Variants in CRACD observed in about 807,000 individuals in gnomAD.
CRACD encodes the protein capping protein inhibiting regulator of actin dynamics.
Under a neutral mutation model 106.8 loss-of-function variants are expected in CRACD, and 56 were observed. That is an observed-to-expected ratio of 0.52 (90% CI 0.42 to 0.66). CRACD has a LOEUF of 0.66. Among genes scored for constraint, CRACD ranks in the 30% least tolerant of loss-of-function variants. The pLI is 0.00. For missense variants in CRACD, 1,730 were observed against 1,623.2 expected, an observed-to-expected ratio of 1.07 and a Z score of -1.13; for synonymous variants, 754 against 670.8, an observed-to-expected ratio of 1.12 and a Z score of -1.92.
At chr4:56,243,443 C>T (rs1319749490) in intron 2 of CRACD, among the ~76,000 whole-genome samples, 2 of 152,152 alleles carry the variant, frequency 1.3e-5, no homozygotes. Flanking sequence ...GAAATGAACT[C>T]CTAACTTGTT....
chr4:56,214,177 C>T (rs1738540376), intron 2 of CRACD, among the ~76,000 whole-genome samples: 1 of 152,056 alleles, frequency 6.6e-6, no homozygotes, highest in Admixed American at 6.5e-5. Context: ...CTGGTGAGGG[C>T]CTGCTTCCTT....
Position 56,054,456 on chromosome 4 carries a change from C to T in CRACD, c.-336+5157C>T, listed in dbSNP as rs191230659. On this transcript the variant is annotated intron_variant, in intron 1 of 10. Transcript: ENST00000682029. ...TCAGCCTCCCAAAGTGCTGGGATTA[C>T]AAGCGTGAGCCGCCACTCAGTGGCT... Among the ~76,000 whole-genome samples the T allele has an allele frequency of 4.3e-3, 658 of 152,304 alleles. 5 individuals are homozygous for T. Among genetic ancestry groups the T allele is most frequent in the African/African-American group, 0.014 (597 of 41,572 alleles).
chr4:56,282,461 G>A (rs962531372), intron 3 of CRACD, among the ~76,000 whole-genome samples: 5 of 152,216 alleles, frequency 3.3e-5, no homozygotes, highest in Non-Finnish European at 2.9e-5. Context: ...GCTTAGAAGA[G>A]TGGCTAGAAA....
intron 2 of CRACD, among the ~76,000 whole-genome samples, chr4:56,179,913 A>G (rs1015239689): frequency 6.6e-6 from 1 of 152,086 alleles, no homozygotes; most frequent in Non-Finnish European, 1.5e-5. Context: ...GCTACTCAGG[A>G]GGCTGAGGCA....
intron 2 of CRACD, among the ~76,000 whole-genome samples, chr4:56,213,984 A>C (rs1348843184): frequency 6.6e-6 from 1 of 152,226 alleles, no homozygotes; most frequent in African/African-American, 2.4e-5. Context: ...TTCAGGGTAG[A>C]AAGGGTGAGA....
chr4:56,124,011 C>T (rs1395036226), intron 1 of CRACD, among the ~76,000 whole-genome samples: 1 of 151,990 alleles, frequency 6.6e-6, no homozygotes, highest in African/African-American at 2.4e-5. Context: ...GATCTTGGCT[C>T]ACTGCAACCT....
intron 1 of CRACD, among the ~76,000 whole-genome samples, chr4:56,080,993 T>TA (rs111816703): frequency 0.024 from 3,675 of 152,324 alleles, 65 homozygotes; most frequent in Admixed American, 0.058. Context: ...TTAAATGAAA[T>TA]ACCTGCATAA....
At chr4:56,191,466 T>A (rs1343827426) in intron 2 of CRACD, among the ~76,000 whole-genome samples, 1 of 147,756 alleles carries the variant, frequency 6.8e-6, no homozygotes, top group Non-Finnish European at 1.5e-5. Flanking sequence ...CATCACATCC[T>A]CTCCTGTGAT....
At chr4:56,168,909 C>T (rs1212021454) in intron 1 of CRACD, among the ~76,000 whole-genome samples, 4 of 152,100 alleles carry the variant, frequency 2.6e-5, no homozygotes, top group Admixed American at 6.5e-5. Flanking sequence ...AGCCTGAGAA[C>T]CTAATGACCG....
chr4:56,054,220 A>C (rs1731974021), intron 1 of CRACD, among the ~76,000 whole-genome samples: 1 of 152,038 alleles, frequency 6.6e-6, no homozygotes, highest in South Asian at 2.1e-4. Context: ...TTGCTCTGTC[A>C]CCCAGGCTGG....
rs1279729325 is a variant in CRACD, at chr4:56,198,594, G to C, written c.-189+19164G>C. Among the ~76,000 whole-genome samples the C allele has an allele frequency of 2.0e-5, 3 of 152,092 alleles. No homozygotes were observed. The East Asian group carries it at 5.8e-4, about 29-fold the overall frequency. The stretch of plus-strand genomic sequence containing the variant: ...GAGGTCTTATTCTCTATGTATGAGA[G>C]TTTTATTATCTACTGTGTGCCAGGT... On this transcript the variant is annotated intron_variant, in intron 2 of 10. Coordinates refer to ENST00000682029, the MANE Select transcript of CRACD (RefSeq NM_001393381.1).
chr4:56,196,157 G>A (rs1430721659), intron 2 of CRACD, among the ~76,000 whole-genome samples: 1 of 152,102 alleles, frequency 6.6e-6, no homozygotes, highest in Non-Finnish European at 1.5e-5. Flanking sequence ...TTTATTACAG[G>A]TATCAGTTTG....
intron 1 of CRACD, among the ~76,000 whole-genome samples, chr4:56,111,104 G>C (rs964137302): frequency 6.6e-6 from 1 of 152,102 alleles, no homozygotes; most frequent in African/African-American, 2.4e-5. Context: ...ATGGCTCAGT[G>C]GTAAGCAGCA....
chr4:56,279,844 G>A (rs1449967279), intron 3 of CRACD, among the ~76,000 whole-genome samples: 5 of 152,086 alleles, frequency 3.3e-5, no homozygotes, highest in African/African-American at 7.2e-5. Context: ...ACATGCACAC[G>A]TATGTTTATT....
Position 56,202,340 on chromosome 4 carries a change from G to A in CRACD, c.-189+22910G>A, listed in dbSNP as rs569824287. Among the ~76,000 whole-genome samples the A allele has an allele frequency of 7.2e-5, 11 of 152,172 alleles. No homozygotes were observed. In the South Asian group the frequency reaches 1.9e-3, roughly 26 times the overall value. ...GGCTCACTGGCAACCACCACCTCCC[G>A]GGTTCAAGTGATTCTCTTGCCTCGG... is the stretch of plus-strand genomic sequence containing the variant. On this transcript the variant is annotated intron_variant, in intron 2 of 10. Transcript: ENST00000682029.
chr4:56,184,110 G>A (rs952107450), intron 2 of CRACD, among the ~76,000 whole-genome samples: 3 of 151,782 alleles, frequency 2.0e-5, no homozygotes, highest in Non-Finnish European at 4.4e-5. Context: ...TTGATCTGTC[G>A]CCCAGGCTGG....
chr4:56,148,074 G>C (rs1459741792), intron 1 of CRACD, among the ~76,000 whole-genome samples: 2 of 152,118 alleles, frequency 1.3e-5, no homozygotes, highest in African/African-American at 4.8e-5. Context: ...AAGCCAAGGA[G>C]GGAGGCCTCA....
Position 56,316,404 on chromosome 4 carries a change from A to T in CRACD, c.2902A>T (p.Thr968Ser). Reference sequence around the variant, plus strand: ...AAAGCCAGCACTGGCTCCCAAGCCCACCAGTCAGACCCCACCAGCATCCCC... The same window carrying T: ...AAAGCCAGCACTGGCTCCCAAGCCCTCCAGTCAGACCCCACCAGCATCCCC... ...AQKPALAPKP[T>S]SQTPPASPLS... The change falls in exon 8 of 11, where the codon ACC becomes TCC. Residue 968 changes from threonine (T) to serine (S), a missense_variant. Thr to Ser is a moderately conservative substitution (Grantham distance 58). Coordinates refer to ENST00000682029, the MANE Select transcript of CRACD (RefSeq NM_001393381.1). 6.2e-7 allele frequency: 1 copy of T among 1,614,166 alleles called. No homozygotes were observed. The highest frequency in any genetic ancestry group is 8.5e-7 in the Non-Finnish European group (1 of 1,179,970).
At chr4:56,279,913 A>G (rs1742923694) in intron 3 of CRACD, among the ~76,000 whole-genome samples, 1 of 152,012 alleles carries the variant, frequency 6.6e-6, no homozygotes, top group African/African-American at 2.4e-5. Flanking sequence ...ACAATGATAG[A>G]CTGGATTAAG....
Sources: allele counts gnomAD v4.1 joint callset (sites outside exome capture counted in the v4.1 genomes callset), GRCh38; gene constraint gnomAD v4.1.1; transcripts MANE v1.5; gene names NCBI Gene and HGNC (gene_info 2026-07-23, HGNC 2026-07-21).